The following MTMR7 variants were observed in gnomAD, a reference collection of about 807,000 sequenced individuals.
The protein encoded by MTMR7 is myotubularin related protein 7, also known as phosphatidylinositol-3-phosphate phosphatase MTMR7.
A neutral mutation model predicts 81.2 loss-of-function variants in MTMR7; 76 were observed. That is an observed-to-expected ratio of 0.94 (90% CI 0.78 to 1.13). MTMR7 has a LOEUF of 1.13. Ranked by LOEUF, MTMR7 falls within the 50% of genes most tolerant of loss-of-function variation. The probability of loss-of-function intolerance (pLI) is 0.00; values close to 1 mark genes in which losing one functional copy is unlikely to be tolerated. For missense variants in MTMR7, 1,044 were observed against 820.0 expected (o/e 1.27, Z -3.34); for synonymous variants, 372 against 289.8 (o/e 1.28, Z -2.88).
At chr8:17,362,257 T>C (rs1386834970) in intron 3 of MTMR7, among the ~76,000 whole-genome samples, 4 of 152,234 alleles carry the variant, frequency 2.6e-5, no homozygotes, top group Non-Finnish European at 5.9e-5. Flanking sequence ...TTGATACATT[T>C]TGTTTTGTGC....
At chr8:17,320,437 G>C (rs552853849) in intron 7 of MTMR7, among the ~76,000 whole-genome samples, 1 of 152,224 alleles carries the variant, frequency 6.6e-6, no homozygotes, top group East Asian at 1.9e-4. Context: ...CAAGGCAATT[G>C]GGAAGGGAGC....
chr8:17,385,613 G>T (rs6981949), intron 1 of MTMR7, among the ~76,000 whole-genome samples: 3 of 152,050 alleles, frequency 2.0e-5, no homozygotes, highest in Non-Finnish European at 4.4e-5. Context: ...TTACCCAATC[G>T]CGGGTATGTC....
At chr8:17,413,182 G>A in intron 1 of MTMR7, 87 bp downstream of exon 1, 1 of 1,452,862 alleles carries the variant, frequency 6.9e-7, no homozygotes. Context: ...GCCCCTCAAA[G>A]CAGTCGGCCT....
At position 17,371,134 on chromosome 8, in the gene MTMR7, C is replaced by T; in HGVS notation, c.213G>A (p.Leu71=). The T allele has an allele frequency of 6.2e-7, 1 of 1,614,222 alleles. No individual in the cohort carries two copies. Among genetic ancestry groups the T allele is most frequent in the Non-Finnish European group, 8.5e-7 (1 of 1,180,034 alleles). ...QATTATGCPL[L]IRCKNFQIIQ... The stretch of plus-strand genomic sequence containing the variant: ...TTATCTGAAAGTTCTTGCAGCGAAT[C>T]AGCAGAGGGCATCCGGTAGCGGTTG... The change falls in exon 3 of 14, where the codon CTG becomes CTA. Residue 71 remains leucine (L), a synonymous_variant. Coordinates refer to ENST00000180173, the MANE Select transcript of MTMR7 (RefSeq NM_004686.5).
chr8:17,373,289 A>G (rs1354121761), intron 1 of MTMR7, 49 bp from the exon 2 acceptor site: 1 of 1,564,980 alleles, frequency 6.4e-7, no homozygotes, highest in East Asian at 2.3e-5. Context: ...CAGAAGAGCA[A>G]TTCACGAAAT....
chr8:17,370,343 A>G (rs1361253566), intron 3 of MTMR7, among the ~76,000 whole-genome samples: 1 of 151,988 alleles, frequency 6.6e-6, no homozygotes, highest in Non-Finnish European at 1.5e-5. Context: ...CAACATGGCA[A>G]AACCCCACCT....
At chr8:17,358,703 A>G (rs1563356388) in intron 4 of MTMR7, among the ~76,000 whole-genome samples, 1 of 152,180 alleles carries the variant, frequency 6.6e-6, no homozygotes, top group Non-Finnish European at 1.5e-5. Flanking sequence ...ACTAACAAAT[A>G]CTGATCAAAA....
At chr8:17,304,255 TG>T in intron 12 of MTMR7, 123 bp downstream of exon 12, 1 of 1,047,306 alleles carries the variant, frequency 9.5e-7, no homozygotes, top group Non-Finnish European at 1.3e-6. Context: ...CATCTCCCTC[TG>T]GTGTCTTTTG....
chr8:17,323,488 TC>T (rs1171423395), intron 7 of MTMR7, among the ~76,000 whole-genome samples: 2 of 151,870 alleles, frequency 1.3e-5, no homozygotes, highest in African/African-American at 4.8e-5. Flanking sequence ...ACAAGAGAAG[TC>T]GACACTGGGA....
At chr8:17,394,453 G>A (rs754377488) in intron 1 of MTMR7, among the ~76,000 whole-genome samples, 51 of 152,026 alleles carry the variant, frequency 3.4e-4, no homozygotes, top group Non-Finnish European at 5.4e-4. Flanking sequence ...CAGTCACAAC[G>A]GACCATAAAT....
At position 17,371,045 on chromosome 8, in the gene MTMR7, G is replaced by C. The variant is rs1563363665; in HGVS notation, c.302C>G (p.Ala101Gly). The change falls in exon 3 of 14, where the codon GCA becomes GGA. Residue 101 changes from alanine (A) to glycine (G), a missense_variant. Ala to Gly is a moderately conservative substitution (Grantham distance 60). Transcript: ENST00000180173. ...GAGTTCCTCTGCCCTACCTGGCCTT[G>C]CAAGGCGTATCAGGGAGATGTACAC... ...HDVYISLIRL[A>G]RPVKYEELYC... 3 of 1,612,620 alleles carry C rather than the reference G, an allele frequency of 1.9e-6. No homozygotes were observed. The highest frequency in any genetic ancestry group is 1.7e-6 in the Non-Finnish European group (2 of 1,179,414).
At chr8:17,393,476 G>A (rs890745631) in intron 1 of MTMR7, among the ~76,000 whole-genome samples, 8 of 152,082 alleles carry the variant, frequency 5.3e-5, no homozygotes, top group Admixed American at 2.6e-4. Flanking sequence ...GTCACATATC[G>A]AATTATTTAG....
intron 6 of MTMR7, among the ~76,000 whole-genome samples, chr8:17,337,172 G>C (rs758367928): frequency 3.3e-5 from 5 of 152,080 alleles, no homozygotes; most frequent in Admixed American, 6.6e-5. Context: ...AGGAGTTCGA[G>C]ACCAGCCTGG....
intron 1 of MTMR7, among the ~76,000 whole-genome samples, chr8:17,401,298 T>C (rs1295474067): frequency 6.6e-6 from 1 of 152,100 alleles, no homozygotes; most frequent in African/African-American, 2.4e-5. Context: ...CATCTGCACA[T>C]CTAAGGAAAG....
At chr8:17,396,736 A>T (rs1563378573) in intron 1 of MTMR7, among the ~76,000 whole-genome samples, 2 of 151,866 alleles carry the variant, frequency 1.3e-5, no homozygotes, top group Non-Finnish European at 2.9e-5. Context: ...GCCTAGGGAG[A>T]CACAAGCTGG....
At chr8:17,398,353 A>C (rs560495819) in intron 1 of MTMR7, among the ~76,000 whole-genome samples, 1 of 152,350 alleles carries the variant, frequency 6.6e-6, no homozygotes, top group East Asian at 1.9e-4. Context: ...AATAGATTCA[A>C]ATAATTAAAA....
rs1165674557 is a variant in MTMR7, at chr8:17,299,307, A to C, written c.*555T>G. On this transcript the variant is annotated 3_prime_UTR_variant, in exon 14 of 14. Coordinates refer to ENST00000180173, the MANE Select transcript of MTMR7 (RefSeq NM_004686.5). ...AATATATGCTCCAAGGAAAAGTTAA[A>C]GTGATGATTATGCCTGAAAGATAAG... The C allele has an allele frequency of 6.6e-6, 1 of 152,388 alleles. No homozygotes were observed. Among genetic ancestry groups the C allele is most frequent in the Non-Finnish European group, 1.5e-5 (1 of 68,164 alleles). The allele number at this position is 152,388 out of a possible 1,614,324, so 9.4% of individuals were successfully genotyped here. A position where few individuals can be genotyped will look rare whatever the true frequency, so the allele number is the denominator to read the frequency against.
intron 1 of MTMR7, among the ~76,000 whole-genome samples, chr8:17,385,159 G>C (rs1820890332): frequency 6.6e-6 from 1 of 152,064 alleles, no homozygotes; most frequent in Non-Finnish European, 1.5e-5. Flanking sequence ...GATATCGTTT[G>C]GATCTGTGTC....
rs146606912 is a variant in MTMR7 at position 17,335,176 on chromosome 8, G to T, written c.733-3894C>A. On this transcript the variant is annotated intron_variant, in intron 6 of 13. Coordinates refer to ENST00000180173, the MANE Select transcript of MTMR7 (RefSeq NM_004686.5). ...GGAGCGAGCAGAGAGGGATGGGCAC[G>T]GAAAACCTCAGCGCTGACAGAGAGG... 5.2e-3 allele frequency among the ~76,000 whole-genome samples: 786 copies of T among 152,276 alleles called. 11 individuals are homozygous for T. The highest frequency in any genetic ancestry group is 0.018 in the African/African-American group (737 of 41,544).
Sources: gnomAD v4.1 joint callset for allele counts (sites outside exome capture counted in the v4.1 genomes callset) on GRCh38, gnomAD v4.1.1 for gene constraint, MANE v1.5 for transcripts, NCBI Gene and HGNC (gene_info 2026-07-23, HGNC 2026-07-21) for gene names.